The following ABLIM1 variants were observed in gnomAD, a reference collection of about 807,000 sequenced individuals.
ABLIM1 encodes actin binding LIM protein 1.
ABLIM1 carries 40 observed loss-of-function variants against 107.0 expected under a neutral mutation model. The observed-to-expected ratio is 0.37, with a 90% CI of 0.29 to 0.49. The LOEUF is 0.49. ABLIM1 is among the 20% of genes least tolerant of loss of function. The pLI is 0.97. For missense variants in ABLIM1, 857 were observed against 1,008.5 expected, an observed-to-expected ratio of 0.85 and a Z score of 2.04; for synonymous variants, 357 against 357.3, an observed-to-expected ratio of 1.00 and a Z score of 0.01.
At chr10:114,737,386 T>G (rs894422155) in intron 1 of ABLIM1, among the ~76,000 whole-genome samples, 7 of 152,172 alleles carry the variant, frequency 4.6e-5, no homozygotes, top group African/African-American at 1.7e-4. Flanking sequence ...CCTGCTGAAC[T>G]CAAGGCCTTT....
intron 1 of ABLIM1, among the ~76,000 whole-genome samples, chr10:114,638,641 ACACACACACAC>A (rs2078595966): frequency 6.8e-6 from 1 of 146,354 alleles, no homozygotes; most frequent in Non-Finnish European, 1.5e-5. Context: ...ACACACACAC[ACACACACACAC>A]ACACACACAC....
intron 1 of ABLIM1, among the ~76,000 whole-genome samples, chr10:114,644,582 G>A (rs994329573): frequency 1.3e-5 from 2 of 151,834 alleles, no homozygotes; most frequent in Non-Finnish European, 2.9e-5. Context: ...GCACTGAGCC[G>A]TATGACTCCT....
At chr10:114,490,109 T>C (rs1159056514) in intron 7 of ABLIM1, among the ~76,000 whole-genome samples, 1 of 152,150 alleles carries the variant, frequency 6.6e-6, no homozygotes, top group Non-Finnish European at 1.5e-5. Flanking sequence ...ACAGACCAAA[T>C]AAAGAATAAA....
chr10:114,730,974 A>G (rs1308839874), intron 1 of ABLIM1, among the ~76,000 whole-genome samples: 1 of 152,172 alleles, frequency 6.6e-6, no homozygotes, highest in Non-Finnish European at 1.5e-5. Flanking sequence ...TCCATATTAT[A>G]GCATGCATGA....
chr10:114,527,308 A>T (rs1300612335), intron 6 of ABLIM1, among the ~76,000 whole-genome samples: 1 of 152,230 alleles, frequency 6.6e-6, no homozygotes, highest in Non-Finnish European at 1.5e-5. Flanking sequence ...TTGTTACTTC[A>T]GAATTTCCAT....
upstream of ABLIM1, among the ~76,000 whole-genome samples, chr10:114,688,310 T>A (rs900818917): frequency 3.3e-5 from 5 of 152,154 alleles, no homozygotes; most frequent in Non-Finnish European, 5.9e-5. Flanking sequence ...CCTAAGTGCA[T>A]TCCGCTTCTA....
intron 1 of ABLIM1, among the ~76,000 whole-genome samples, chr10:114,750,505 G>A (rs986135650): frequency 2.0e-5 from 3 of 152,188 alleles, no homozygotes; most frequent in Non-Finnish European, 4.4e-5. Flanking sequence ...TGGGCTGAAG[G>A]TGGATAGAAT....
chr10:114,465,684 A>C lies in ABLIM1; in HGVS notation c.1441+14T>G, dbSNP rs773358559. 5.6e-6 allele frequency: 9 copies of C among 1,613,588 alleles called. No individual in the cohort carries two copies. In the Admixed American group the frequency reaches 1.5e-4, roughly 27 times the overall value. On this transcript the variant is annotated intron_variant, in intron 12 of 22. Transcript: ENST00000533213. ...TTTGTTATATAGAGTGAATCCAGGA[A>C]CAGTCACCCTTACCAGGTCTGTGGA...
At chr10:114,723,147 T>A (rs933516327) in intron 1 of ABLIM1, among the ~76,000 whole-genome samples, 17 of 152,188 alleles carry the variant, frequency 1.1e-4, no homozygotes, top group Non-Finnish European at 7.3e-5. Context: ...GCTTATTCAA[T>A]CCTTTCTAAG....
intron 1 of ABLIM1, among the ~76,000 whole-genome samples, chr10:114,703,464 C>T (rs771352721): frequency 6.6e-6 from 1 of 152,152 alleles, no homozygotes; most frequent in Non-Finnish European, 1.5e-5. Context: ...AAATGGTAGG[C>T]ATAATTGTAC....
At chr10:114,700,736 T>TG (rs1261265038) in intron 1 of ABLIM1, among the ~76,000 whole-genome samples, 1 of 148,752 alleles carries the variant, frequency 6.7e-6, no homozygotes, top group African/African-American at 2.5e-5. Context: ...TATATCCCTG[T>TG]GAAAAAAAAA....
chr10:114,700,483 A>G (rs2081285459), intron 1 of ABLIM1, among the ~76,000 whole-genome samples: 1 of 144,102 alleles, frequency 6.9e-6, no homozygotes. Context: ...ATTGCCAAAA[A>G]CAATTAAAAC....
At position 114,631,533 on chromosome 10, in the gene ABLIM1, CTTAA is replaced by C. The variant is rs2078175282; in HGVS notation, c.244+26420_244+26423del. Among the ~76,000 whole-genome samples the C allele has an allele frequency of 2.0e-5, 3 of 152,198 alleles. No homozygotes were observed. In the South Asian group the frequency reaches 6.2e-4, roughly 32 times the overall value. ...CAGGAAGGGCCCTTTCATGACACAT[CTTAA>C]TTAACTTATTGATTGGTGGGGCGTG... On this transcript the variant is annotated intron_variant, in intron 1 of 22. Coordinates refer to ENST00000533213, the MANE Select transcript of ABLIM1 (RefSeq NM_002313.7).
the ABLIM1 span, among the ~76,000 whole-genome samples, chr10:114,781,684 ATAT>A: frequency 6.4e-4 from 93 of 146,106 alleles, 1 homozygote; most frequent in African/African-American, 2.2e-3. Flanking sequence ...ATATATATAT[ATAT>A]AATTAATGCA....
At chr10:114,511,645 G>A (rs545913569) in intron 6 of ABLIM1, among the ~76,000 whole-genome samples, 14 of 152,148 alleles carry the variant, frequency 9.2e-5, no homozygotes, top group East Asian at 1.9e-4. Context: ...GATTACAGGC[G>A]TGAGCCACCA....
At position 114,601,881 on chromosome 10, in the gene ABLIM1, C is replaced by T; in HGVS notation, c.325G>A (p.Glu109Lys). ...TGTTTGGTCTGGACCCGAAGCACTT[C>T]ACCCTTGCAAGGCTCCCCACATTTA... The part of the protein sequence containing the change: ...CHKCGEPCKG[E>K]VLRVQTKHFH... Residue 109 changes from glutamate to lysine, a missense_variant, in exon 2 of 23, where the codon GAA becomes AAA. Transcript: ENST00000533213. 3 of 1,614,224 alleles carry T rather than the reference C, an allele frequency of 1.9e-6. No homozygotes were observed. Among genetic ancestry groups the T allele is most frequent in the Non-Finnish European group, 1.7e-6 (2 of 1,180,032 alleles).
chr10:114,646,766 T>G (rs1219263316), intron 1 of ABLIM1, among the ~76,000 whole-genome samples: 1 of 152,158 alleles, frequency 6.6e-6, no homozygotes, highest in Non-Finnish European at 1.5e-5. Flanking sequence ...ACTGGATCAC[T>G]CTTGGTATGT....
chr10:114,570,888 A>G (rs539647838), intron 4 of ABLIM1, among the ~76,000 whole-genome samples: 3 of 152,050 alleles, frequency 2.0e-5, no homozygotes, highest in Non-Finnish European at 4.4e-5. Flanking sequence ...TTACAGGCAT[A>G]AGCCACCACA....
chr10:114,460,425 AC>A, intron 12 of ABLIM1, among the ~76,000 whole-genome samples: 1 of 152,208 alleles, frequency 6.6e-6, no homozygotes, highest in East Asian at 1.9e-4. Context: ...ACATGGTGAA[AC>A]CCCGTCTCTA....
Sources: allele counts gnomAD v4.1 joint callset (sites outside exome capture counted in the v4.1 genomes callset), GRCh38; gene constraint gnomAD v4.1.1; transcripts MANE v1.5; gene names NCBI Gene and HGNC (gene_info 2026-07-23, HGNC 2026-07-21).